Variants in EYA2 observed in about 807,000 individuals in gnomAD.
EYA2 encodes EYA transcriptional coactivator and phosphatase 2.
In EYA2, 31 loss-of-function variants were observed where a neutral mutation model predicts 69.2. That is an observed-to-expected ratio of 0.45 (90% confidence interval 0.34 to 0.60). The LOEUF (loss-of-function observed/expected upper bound fraction) is 0.60, where lower values mean the gene tolerates loss of function less well. Ranked by LOEUF, EYA2 falls within the 20% of genes least tolerant of loss-of-function variation. The probability of loss-of-function intolerance (pLI) is 0.02; values close to 1 mark genes in which losing one functional copy is unlikely to be tolerated. For synonymous variants in EYA2, 257 were observed against 279.4 expected, an observed-to-expected ratio of 0.92 and a Z score of 0.80; for missense variants, 622 against 701.2, an observed-to-expected ratio of 0.89 and a Z score of 1.28.
intron 1 of EYA2, among the ~76,000 whole-genome samples, chr20:46,902,189 C>T (rs1984147703): frequency 6.6e-6 from 1 of 152,024 alleles, no homozygotes; most frequent in Admixed American, 6.6e-5. Flanking sequence ...ACCTTGGGAC[C>T]CGATTTTGGA....
chr20:46,912,746 T>C (rs1984712849), intron 1 of EYA2, among the ~76,000 whole-genome samples: 1 of 150,094 alleles, frequency 6.7e-6, no homozygotes, highest in African/African-American at 2.4e-5. Context: ...CAGGCCGGAC[T>C]GCGGACTGCA....
chr20:47,185,276 CTTTTTTTTTTTTTTTTTTTTTTTT>C (rs765083065), intron 15 of EYA2, among the ~76,000 whole-genome samples: 13 of 55,842 alleles, frequency 2.3e-4, no homozygotes, highest in South Asian at 1.7e-3. Flanking sequence ...GAATCACACT[CTTTTTTTTTTTTTTTTTTTTTTTT>C]TTTTTTTTTT....
intron 1 of EYA2, among the ~76,000 whole-genome samples, chr20:46,955,081 T>C (rs565886157): frequency 2.6e-5 from 4 of 152,292 alleles, no homozygotes; most frequent in African/African-American, 9.6e-5. Context: ...CTCTTCTCTC[T>C]TCTTTTTCAT....
intron 5 of EYA2, among the ~76,000 whole-genome samples, chr20:47,061,568 G>T (rs1320178773): frequency 6.6e-6 from 1 of 152,042 alleles, no homozygotes; most frequent in Non-Finnish European, 1.5e-5. Flanking sequence ...CATGTTTCCT[G>T]CTAAGCCATT....
chr20:46,931,304 T>C (rs1007305535), intron 1 of EYA2, among the ~76,000 whole-genome samples: 3 of 152,128 alleles, frequency 2.0e-5, no homozygotes, highest in African/African-American at 7.2e-5. Context: ...AAATATAGAT[T>C]GTATCTTCTC....
At chr20:47,067,254 C>T (rs571187379) in intron 5 of EYA2, among the ~76,000 whole-genome samples, 1 of 152,176 alleles carries the variant, frequency 6.6e-6, no homozygotes, top group Non-Finnish European at 1.5e-5. Context: ...TCTTCTGAGA[C>T]AGGTGGCTTC....
chr20:46,990,883 A>G (rs1183451604), intron 2 of EYA2, among the ~76,000 whole-genome samples: 2 of 152,260 alleles, frequency 1.3e-5, no homozygotes, highest in Non-Finnish European at 2.9e-5. Context: ...GTGGAAAACC[A>G]AAGTGACACG....
chr20:47,118,589 G>A (rs944575716), intron 9 of EYA2, among the ~76,000 whole-genome samples: 6 of 152,118 alleles, frequency 3.9e-5, no homozygotes, highest in Non-Finnish European at 8.8e-5. Flanking sequence ...TTCATGCCAA[G>A]TACCCCCGCT....
chr20:47,137,374 G>A (rs948445126), intron 9 of EYA2, among the ~76,000 whole-genome samples: 3 of 152,184 alleles, frequency 2.0e-5, no homozygotes, highest in Non-Finnish European at 4.4e-5. Flanking sequence ...ACCAATGCTT[G>A]TGGAGTGCCT....
At chr20:47,018,289 A>G (rs1308081711) in intron 5 of EYA2, among the ~76,000 whole-genome samples, 2 of 151,944 alleles carry the variant, frequency 1.3e-5, no homozygotes, top group African/African-American at 4.8e-5. Context: ...GTTATGTAGG[A>G]GAGGCCCCCA....
At chr20:46,977,205 A>G (rs558544247) in intron 1 of EYA2, among the ~76,000 whole-genome samples, 47 of 152,364 alleles carry the variant, frequency 3.1e-4, no homozygotes, top group African/African-American at 1.1e-3. Flanking sequence ...TATTTATCCT[A>G]TTAATTGTGG....
chr20:46,899,237 A>G (rs569626460), intron 1 of EYA2, among the ~76,000 whole-genome samples: 14 of 152,348 alleles, frequency 9.2e-5, no homozygotes, highest in Admixed American at 7.2e-4. Context: ...CATTTCTGCT[A>G]TCATTTCCTT....
At chr20:46,906,789 C>T (rs1046236082) in intron 1 of EYA2, among the ~76,000 whole-genome samples, 1 of 152,088 alleles carries the variant, frequency 6.6e-6, no homozygotes, top group Non-Finnish European at 1.5e-5. Flanking sequence ...CTTCATAACC[C>T]CTGACTTCCC....
rs1983997470 is a variant in EYA2 at position 46,899,711 on chromosome 20, G to A, written c.-11+4724G>A. On this transcript the variant is annotated intron_variant, in intron 1 of 15. Transcript: ENST00000327619. ...TGGAATGATTTATCTTTGCCTCTTT[G>A]AACGTTAAGGGAGGCCACTGGTTGC... is the stretch of plus-strand genomic sequence containing the variant. Among the ~76,000 whole-genome samples, 2 of 152,186 alleles carry A rather than the reference G, an allele frequency of 1.3e-5. 1 individual carries two copies. The highest frequency in any genetic ancestry group is 4.1e-4 in the South Asian group (2 of 4,824).
At chr20:47,133,392 G>C (rs1339150734) in intron 9 of EYA2, among the ~76,000 whole-genome samples, 2 of 152,170 alleles carry the variant, frequency 1.3e-5, no homozygotes, top group African/African-American at 4.8e-5. Flanking sequence ...GACCCATAAT[G>C]GGTGTTATTT....
intron 9 of EYA2, among the ~76,000 whole-genome samples, chr20:47,119,559 CAGA>C (rs1156616456): frequency 6.6e-6 from 1 of 152,164 alleles, no homozygotes; most frequent in East Asian, 1.9e-4. Flanking sequence ...AAGCCAGATA[CAGA>C]AGGTCATATT....
At chr20:47,006,206 A>G (rs780718461) in intron 4 of EYA2, among the ~76,000 whole-genome samples, 21 of 152,212 alleles carry the variant, frequency 1.4e-4, no homozygotes, top group Non-Finnish European at 2.8e-4. Context: ...CTGGACTCCC[A>G]CATCCATCCA....
At chr20:47,174,940 C>T (rs1464558401) in intron 12 of EYA2, among the ~76,000 whole-genome samples, 1 of 152,198 alleles carries the variant, frequency 6.6e-6, no homozygotes, top group Non-Finnish European at 1.5e-5. Flanking sequence ...GGTCAGGTCC[C>T]AGCCTTTGTA....
intron 10 of EYA2, among the ~76,000 whole-genome samples, chr20:47,163,489 G>A (rs116512117): frequency 0.019 from 2,813 of 151,926 alleles, 97 homozygotes; most frequent in African/African-American, 0.064. Flanking sequence ...ATCTGAGGTC[G>A]GGAGTTCAAG....
Sources: gnomAD v4.1 joint callset for allele counts (sites outside exome capture counted in the v4.1 genomes callset) on GRCh38, gnomAD v4.1.1 for gene constraint, MANE v1.5 for transcripts, NCBI Gene and HGNC (gene_info 2026-07-23, HGNC 2026-07-21) for gene names.